AGAP6: variants seen among roughly 807,000 people sequenced by gnomAD.
AGAP6 encodes the protein ArfGAP with GTPase domain, ankyrin repeat and PH domain 6.
Under a neutral mutation model 63.9 loss-of-function variants are expected in AGAP6, and 29 were observed. The ratio of observed to expected loss-of-function variants is 0.45; its 90% CI spans 0.34 to 0.62. The LOEUF is 0.62. AGAP6 is among the 20% of genes least tolerant of loss of function. The probability of loss-of-function intolerance (pLI) is 0.01; values close to 1 mark genes in which losing one functional copy is unlikely to be tolerated. For missense variants in AGAP6, 493 were observed against 884.9 expected (o/e 0.56, Z 5.62); for synonymous variants, 199 against 332.9 (o/e 0.60, Z 4.38).
intron 4 of AGAP6, among the ~76,000 whole-genome samples, chr10:50,000,232 T>C (rs1841646239): frequency 2.6e-5 from 1 of 38,936 alleles, no homozygotes; most frequent in African/African-American, 1.2e-4. Flanking sequence ...CCTTAAATAA[T>C]ACCTATAAAG....
In AGAP6 at chr10:49,989,024, C is replaced by G. The variant is rs185835928; in HGVS notation, c.223+86C>G. On this transcript the variant is annotated intron_variant, in intron 1 of 7. Transcript: ENST00000412531. ...GTTCCCTTTGAGGCATCCCACACTT[C>G]GAGCTCCTTTCTGCTTGTAGCCAGC... The G allele has an allele frequency of 3.2e-4, 510 of 1,597,536 alleles. 2 individuals are homozygous for G. Among genetic ancestry groups the G allele is most frequent in the Admixed American group, 4.0e-4 (24 of 59,932 alleles).
chr10:50,010,368 T>C lies in AGAP6; in HGVS notation c.*182T>C. 12 of 1,296,508 alleles carry C rather than the reference T, an allele frequency of 9.3e-6. No individual in the cohort carries two copies. The highest frequency in any genetic ancestry group is 1.3e-5 in the Non-Finnish European group (12 of 941,992). 80.3% of individuals were successfully genotyped at this position (1,296,508 alleles called of 1,614,324 possible). Reference sequence around the variant, plus strand: ...TGACCATAAGACGTATTTTATGTCCTTCTGCCAAGGTGGATTTGTTAGTCT... The same window carrying C: ...TGACCATAAGACGTATTTTATGTCCCTCTGCCAAGGTGGATTTGTTAGTCT... On this transcript the variant is annotated 3_prime_UTR_variant, in exon 8 of 8. Coordinates refer to ENST00000412531, the MANE Select transcript of AGAP6 (RefSeq NM_001077665.3).
chr10:50,002,366 G>GT (rs1841745387), intron 5 of AGAP6, among the ~76,000 whole-genome samples: 2 of 131,388 alleles, frequency 1.5e-5, no homozygotes, highest in African/African-American at 2.8e-5. Flanking sequence ...AGAAGGATAG[G>GT]TTCCCTTTAT....
rs1179060335 is a variant in AGAP6 at position 50,010,198 on chromosome 10, T to G, written c.*12T>G. ...ACGAGTGTGTGTAGTATCTGTTTTATTTGACTGCAGTCTCCTTGGTGCAAA... is the reference window on the plus strand; with the variant it reads ...ACGAGTGTGTGTAGTATCTGTTTTAGTTGACTGCAGTCTCCTTGGTGCAAA... On this transcript the variant is annotated 3_prime_UTR_variant, in exon 8 of 8. Coordinates refer to ENST00000412531, the MANE Select transcript of AGAP6 (RefSeq NM_001077665.3). 3 of 1,584,274 alleles carry G rather than the reference T, an allele frequency of 1.9e-6. No individual in the cohort carries two copies. In the African/African-American group the frequency reaches 4.0e-5, roughly 21 times the overall value.
rs782653287 is a variant in AGAP6, at chr10:50,009,054, A to G, written c.929A>G (p.Asn310Ser). The change falls in exon 8 of 8, where the codon AAT (asparagine) becomes AGT (serine). Residue 310 changes from asparagine (N) to serine (S), a missense_variant. By Grantham distance (46) the Asn-to-Ser change is conservative. Transcript: ENST00000412531. Reference sequence around the variant, plus strand: ...AAGAAATACGTCACCCTGTGTTCCAATGGCATGCTCACCTATTATTCAAGC... The same window carrying G: ...AAGAAATACGTCACCCTGTGTTCCAGTGGCATGCTCACCTATTATTCAAGC... ...WKKKYVTLCS[N>S]GMLTYYSSLG... is the part of the protein sequence containing the mutation. 2 of 1,613,630 alleles carry G rather than the reference A, an allele frequency of 1.2e-6. No individual in the cohort carries two copies. Among genetic ancestry groups the G allele is most frequent in the Admixed American group, 3.3e-5 (2 of 60,014 alleles).
Position 50,009,648 on chromosome 10 carries a change from G to C in AGAP6, c.1523G>C (p.Ser508Thr), listed in dbSNP as rs200482356. Residue 508 changes from serine (S) to threonine (T), a missense_variant, in exon 8 of 8, where the codon AGT becomes ACT. Physicochemically the swap from Ser to Thr is moderately conservative, Grantham distance 58. Coordinates refer to ENST00000412531, the MANE Select transcript of AGAP6 (RefSeq NM_001077665.3). ...MCIECSGIHRSLGPHLSRVRS... is the reference protein window; with the variant it reads ...MCIECSGIHRTLGPHLSRVRS... ...ATTGAATGCTCAGGTATCCACCGCA[G>C]TCTTGGCCCCCACCTTTCCCGTGTG... is the stretch of plus-strand genomic sequence containing the variant. 1.1e-3 allele frequency: 1,752 copies of C among 1,614,120 alleles called. No individual in the cohort carries two copies. The highest frequency in any genetic ancestry group is 1.4e-3 in the Non-Finnish European group (1,661 of 1,180,050).
intron 5 of AGAP6, 113 bp from the exon 6 acceptor site, chr10:50,004,572 A>T: frequency 1.8e-6 from 1 of 546,684 alleles, no homozygotes; most frequent in South Asian, 2.1e-5. Flanking sequence ...CTGAACTAGA[A>T]GATTTGAATT....
At chr10:49,990,354 A>T (rs1193908794) in intron 2 of AGAP6, among the ~76,000 whole-genome samples, 2 of 152,038 alleles carry the variant, frequency 1.3e-5, no homozygotes, top group Non-Finnish European at 2.9e-5. Flanking sequence ...CTGAGGCAGG[A>T]GAATTGCTTG....
intron 3 of AGAP6, among the ~76,000 whole-genome samples, chr10:49,994,143 T>C (rs1448457839): frequency 2.6e-5 from 4 of 152,166 alleles, no homozygotes; most frequent in Admixed American, 2.6e-4. Flanking sequence ...TTTACCCTTT[T>C]CTTTTGTACA....
At position 50,009,622 on chromosome 10, in the gene AGAP6, T is replaced by TCA; in HGVS notation, c.1497_1498insCA (p.Ile500GlnfsTer41). 1 of 1,613,502 alleles carries TCA rather than the reference T, an allele frequency of 6.2e-7. No individual in the cohort carries two copies. The highest frequency in any genetic ancestry group is 2.2e-5 in the East Asian group (1 of 44,900). ...GTTTGAACTTGGGAGTCCTCATGTG[T>TCA]ATTGAATGCTCAGGTATCCACCGCA... On this transcript the variant is annotated frameshift_variant, in exon 8 of 8. Coordinates refer to ENST00000412531, the MANE Select transcript of AGAP6 (RefSeq NM_001077665.3). LOFTEE classifies it high-confidence loss of function.
intron 4 of AGAP6, among the ~76,000 whole-genome samples, chr10:49,999,511 T>C (rs1338070008): frequency 7.5e-6 from 1 of 133,130 alleles, no homozygotes; most frequent in Non-Finnish European, 1.6e-5. Context: ...AACATAATAC[T>C]GAAAGGGGGA....
rs189688508 is a variant in AGAP6, at chr10:50,003,975, G to T, written c.498-710G>T. On this transcript the variant is annotated intron_variant, in intron 5 of 7. Coordinates refer to ENST00000412531, the MANE Select transcript of AGAP6 (RefSeq NM_001077665.3). Reference sequence around the variant, plus strand: ...TTTTAAAAAGTGCTAATATTGTGTAGACCTATTAGTAGAATTGAGATTTGC... The same window carrying T: ...TTTTAAAAAGTGCTAATATTGTGTATACCTATTAGTAGAATTGAGATTTGC... Among the ~76,000 whole-genome samples, 493 of 152,274 alleles carry T rather than the reference G, an allele frequency of 3.2e-3. 1 individual carries two copies. Among genetic ancestry groups the T allele is most frequent in the African/African-American group, 0.011 (466 of 41,554 alleles).
rs1263047526 is a variant in AGAP6, at chr10:50,004,817, A to G, written c.533+97A>G. The G allele has an allele frequency of 9.8e-6, 6 of 610,734 alleles. No individual in the cohort carries two copies. The Admixed American group carries it at 1.7e-4, about 18-fold the overall frequency. The allele number at this position is 610,734 out of a possible 1,614,324, so 37.8% of individuals were successfully genotyped here. A position where few individuals can be genotyped will look rare whatever the true frequency, so the allele number is the denominator to read the frequency against. On this transcript the variant is annotated intron_variant, in intron 6 of 7. Transcript: ENST00000412531. ...CACAGCTCTAGACATCATAAGCTGTATTGTGCCTACTAAAATATCGAAGCA... is the reference window on the plus strand; with the variant it reads ...CACAGCTCTAGACATCATAAGCTGTGTTGTGCCTACTAAAATATCGAAGCA...
Position 50,009,229 on chromosome 10 carries a change from C to T in AGAP6, c.1104C>T (p.Asp368=). 6.2e-7 allele frequency: 1 copy of T among 1,614,242 alleles called. No individual in the cohort carries two copies. Among genetic ancestry groups the T allele is most frequent in the Non-Finnish European group, 8.5e-7 (1 of 1,180,042 alleles). Reference sequence around the variant, plus strand: ...GCAATGGCCTATCCAAGGACATGGACACCGGGCTGGGTGACTCCATATGCT... The same window carrying T: ...GCAATGGCCTATCCAAGGACATGGATACCGGGCTGGGTGACTCCATATGCT... ...SKSNGLSKDM[D]TGLGDSICFS... Residue 368 remains aspartate, a synonymous_variant, in exon 8 of 8, where the codon GAC becomes GAT. Coordinates refer to ENST00000412531, the MANE Select transcript of AGAP6 (RefSeq NM_001077665.3).
rs782542878 is a variant in AGAP6, at chr10:49,993,707, C to G, written c.362-688C>G. 1.7e-4 allele frequency among the ~76,000 whole-genome samples: 25 copies of G among 151,406 alleles called. 1 individual carries two copies. Among genetic ancestry groups the G allele is most frequent in the Non-Finnish European group, 2.9e-4 (20 of 67,962 alleles). On this transcript the variant is annotated intron_variant, in intron 3 of 7. Coordinates refer to ENST00000412531, the MANE Select transcript of AGAP6 (RefSeq NM_001077665.3). ...TGGTGGCATGTGCCTGTACTCCCAG[C>G]TAATCAGGAGGCTAAGGCTGAAGAA... is the stretch of plus-strand genomic sequence containing the variant.
At chr10:49,999,950 A>G (rs1168037112) in intron 4 of AGAP6, among the ~76,000 whole-genome samples, 1 of 141,530 alleles carries the variant, frequency 7.1e-6, no homozygotes, top group South Asian at 2.4e-4. Context: ...AAGGAAAACA[A>G]CTTTAGTATT....
In AGAP6 at chr10:49,989,043, A is replaced by G; in HGVS notation, c.223+105A>G. The G allele has an allele frequency of 1.9e-6, 3 of 1,596,188 alleles. No homozygotes were observed. The East Asian group carries it at 6.7e-5, about 36-fold the overall frequency. ...ACACTTCGAGCTCCTTTCTGCTTGTAGCCAGCTTTCCCGGGGGCTGGCCAG... is the reference window on the plus strand; with the variant it reads ...ACACTTCGAGCTCCTTTCTGCTTGTGGCCAGCTTTCCCGGGGGCTGGCCAG... On this transcript the variant is annotated intron_variant, in intron 1 of 7. Transcript: ENST00000412531.
intron 2 of AGAP6, among the ~76,000 whole-genome samples, chr10:49,990,781 GAT>G (rs1841241392): frequency 6.6e-6 from 1 of 152,192 alleles, no homozygotes; most frequent in African/African-American, 2.4e-5. Context: ...AAAGAGGTAA[GAT>G]AATTAAGACT....
intron 3 of AGAP6, among the ~76,000 whole-genome samples, chr10:49,992,613 A>T (rs1470088779): frequency 6.6e-6 from 1 of 152,218 alleles, no homozygotes; most frequent in Non-Finnish European, 1.5e-5. Context: ...AACTGGCTCA[A>T]AGATTTTCAG....
Sources: allele counts gnomAD v4.1 joint callset (sites outside exome capture counted in the v4.1 genomes callset), GRCh38; gene constraint gnomAD v4.1.1; transcripts MANE v1.5; gene names NCBI Gene and HGNC (gene_info 2026-07-23, HGNC 2026-07-21).